OSBPL10: variants seen among roughly 807,000 people sequenced by gnomAD.
OSBPL10 encodes the protein oxysterol binding protein like 10, also known as oxysterol-binding protein-related protein 10.
A neutral mutation model predicts 81.7 loss-of-function variants in OSBPL10; 49 were observed. That is an observed-to-expected ratio of 0.60 (90% CI 0.48 to 0.76). OSBPL10 has a LOEUF of 0.76. Ranked by LOEUF, OSBPL10 falls within the 30% of genes least tolerant of loss-of-function variation. The pLI is 0.00. For synonymous variants in OSBPL10, 419 were observed against 383.6 expected (o/e 1.09, Z -1.08); for missense variants, 923 against 987.8 (o/e 0.93, Z 0.88).
At chr3:32,076,729 T>C (rs577835617) in intron 1 of OSBPL10, among the ~76,000 whole-genome samples, 46 of 152,208 alleles carry the variant, frequency 3.0e-4, no homozygotes, top group African/African-American at 1.1e-3. Flanking sequence ...ATCAGAGTTT[T>C]TAAGGATAAT....
chr3:31,883,690 C>T (rs940563567), intron 1 of OSBPL10, among the ~76,000 whole-genome samples: 14 of 152,048 alleles, frequency 9.2e-5, no homozygotes, highest in Admixed American at 9.2e-4. Context: ...TGCCACTATG[C>T]CCAGCTAATT....
chr3:31,873,494 T>G (rs1467727236), intron 3 of OSBPL10, among the ~76,000 whole-genome samples: 1 of 152,220 alleles, frequency 6.6e-6, no homozygotes, highest in Non-Finnish European at 1.5e-5. Flanking sequence ...GTTCTATGCA[T>G]CTGGCTATCC....
intron 4 of OSBPL10, among the ~76,000 whole-genome samples, chr3:31,810,877 C>T (rs1475642770): frequency 6.6e-6 from 1 of 152,106 alleles, no homozygotes; most frequent in South Asian, 2.1e-4. Flanking sequence ...AAGGATCCCC[C>T]GCTTACTTTC....
rs59527757 is a variant in OSBPL10, at chr3:31,905,895, G to GAA, written c.282-26067_282-26066dup. ...TTCTATTCCCATCACCTCAAAGAAG[G>GAA]AAAAAAAAAAAAAGTGTGTTCTCCT... On this transcript the variant is annotated intron_variant, in intron 1 of 11. Coordinates refer to ENST00000396556, the MANE Select transcript of OSBPL10 (RefSeq NM_017784.5). 9.1e-3 allele frequency among the ~76,000 whole-genome samples: 1,313 copies of GAA among 144,422 alleles called. 3 individuals carry two copies. The highest frequency in any genetic ancestry group is 0.01 in the Non-Finnish European group (667 of 65,746). 94.7% of individuals were successfully genotyped at this position (144,422 alleles called of 152,430 possible). A position where few individuals can be genotyped will look rare whatever the true frequency, so the allele number is the denominator to read the frequency against.
chr3:31,943,252 C>A (rs1697586522), intron 1 of OSBPL10, among the ~76,000 whole-genome samples: 1 of 152,196 alleles, frequency 6.6e-6, no homozygotes, highest in Non-Finnish European at 1.5e-5. Flanking sequence ...TTTGTCCATT[C>A]ATCTACTGAT....
chr3:32,068,718 G>A (rs1252776646), intron 1 of OSBPL10, among the ~76,000 whole-genome samples: 2 of 151,932 alleles, frequency 1.3e-5, no homozygotes, highest in Non-Finnish European at 2.9e-5. Context: ...CTTACATCCA[G>A]GCATTTTTCA....
chr3:31,852,486 G>A (rs534719447), intron 3 of OSBPL10, among the ~76,000 whole-genome samples: 1 of 152,338 alleles, frequency 6.6e-6, no homozygotes, highest in African/African-American at 2.4e-5. Flanking sequence ...GAACGACAGT[G>A]CACTATTTAC....
At chr3:31,707,948 G>T (rs1696125592) in intron 6 of OSBPL10, among the ~76,000 whole-genome samples, 1 of 152,030 alleles carries the variant, frequency 6.6e-6, no homozygotes, top group East Asian at 1.9e-4. Context: ...GGACTGGAGA[G>T]ATTGGAAGAG....
At position 31,769,393 on chromosome 3, in the gene OSBPL10, C is replaced by T. The variant is rs1444747701; in HGVS notation, c.730-21273G>A. Among the ~76,000 whole-genome samples the T allele has an allele frequency of 9.6e-5, 12 of 125,066 alleles. 1 individual carries two copies. The highest frequency in any genetic ancestry group is 1.4e-4 in the Non-Finnish European group (9 of 63,232). The allele number at this position is 125,066 out of a possible 152,430, so 82.0% of individuals were successfully genotyped here. On this transcript the variant is annotated intron_variant, in intron 4 of 11. Coordinates refer to ENST00000396556, the MANE Select transcript of OSBPL10 (RefSeq NM_017784.5). ...CCGGGAGACAGAGGTTGCAGTGAGC[C>T]GAGATCACGCCACTGCACTCCAGCC...
intron 2 of OSBPL10, among the ~76,000 whole-genome samples, chr3:32,028,928 AC>A (rs5847731): frequency 0.2 from 19,228 of 97,264 alleles, 2,575 homozygotes; most frequent in Admixed American, 0.23. Context: ...GCTAGTCAGG[AC>A]ACACACACAC....
intron 3 of OSBPL10, among the ~76,000 whole-genome samples, chr3:31,849,171 G>A (rs1429327486): frequency 6.6e-6 from 1 of 152,146 alleles, no homozygotes; most frequent in Non-Finnish European, 1.5e-5. Flanking sequence ...AGGCCATCCA[G>A]GAATAAAAGG....
At chr3:31,780,794 T>C (rs1698672941) in intron 4 of OSBPL10, among the ~76,000 whole-genome samples, 1 of 152,018 alleles carries the variant, frequency 6.6e-6, no homozygotes, top group Admixed American at 6.6e-5. Context: ...CAATAACAAG[T>C]AGTGAGATTG....
chr3:31,786,391 G>C (rs1698859167), intron 4 of OSBPL10, among the ~76,000 whole-genome samples: 1 of 152,088 alleles, frequency 6.6e-6, no homozygotes, highest in Non-Finnish European at 1.5e-5. Context: ...CAGTCCACTT[G>C]GGCTGCTATA....
rs138946780 is a variant in OSBPL10 at position 31,820,314 on chromosome 3, C to T, written c.729+9726G>A. Among the ~76,000 whole-genome samples, 52 of 152,222 alleles carry T rather than the reference C, an allele frequency of 3.4e-4. No individual in the cohort carries two copies. The East Asian group carries it at 9.3e-3, about 27-fold the overall frequency. ...ATGGGGATATTAGAAAAAATAATTA[C>T]AGCTGGGCACGGTGGCTCACGCCTA... On this transcript the variant is annotated intron_variant, in intron 4 of 11. Transcript: ENST00000396556.
intron 1 of OSBPL10, among the ~76,000 whole-genome samples, chr3:31,980,586 C>T (rs975495321): frequency 2.0e-5 from 3 of 152,178 alleles, no homozygotes; most frequent in Non-Finnish European, 4.4e-5. Context: ...AAGCAGAGCA[C>T]GGGGACCAGC....
chr3:31,965,396 T>G lies in OSBPL10; in HGVS notation c.281+15503A>C, dbSNP rs192653439. On this transcript the variant is annotated intron_variant, in intron 1 of 11. Transcript: ENST00000396556. ...AAAAATATATATATTATGTATAATA[T>G]ATAATATAAAATATATATTATATAT... Among the ~76,000 whole-genome samples the G allele has an allele frequency of 8.3e-5, 9 of 108,592 alleles. 1 individual carries two copies. The highest frequency in any genetic ancestry group is 1.0e-4 in the Non-Finnish European group (6 of 59,650). 71.2% of individuals were successfully genotyped at this position (108,592 alleles called of 152,430 possible).
intron 2 of OSBPL10, among the ~76,000 whole-genome samples, chr3:32,027,275 C>T (rs1458785853): frequency 1.3e-5 from 2 of 151,962 alleles, no homozygotes; most frequent in South Asian, 4.1e-4. Context: ...TGAGAACATG[C>T]GATGTTTGGT....
At chr3:32,029,331 TC>T (rs1699445953) in intron 2 of OSBPL10, among the ~76,000 whole-genome samples, 1 of 152,194 alleles carries the variant, frequency 6.6e-6, no homozygotes, top group Admixed American at 6.5e-5. Context: ...ATTATTATAC[TC>T]TAAGTTTTAG....
chr3:31,742,407 T>A (rs1377901725), intron 5 of OSBPL10, among the ~76,000 whole-genome samples: 1 of 151,114 alleles, frequency 6.6e-6, no homozygotes, highest in East Asian at 1.9e-4. Context: ...GGATGAAGAG[T>A]TATTGCAAGG....
Sources: gnomAD v4.1 joint callset for allele counts (sites outside exome capture counted in the v4.1 genomes callset) on GRCh38, gnomAD v4.1.1 for gene constraint, MANE v1.5 for transcripts, NCBI Gene and HGNC (gene_info 2026-07-23, HGNC 2026-07-21) for gene names.